ADAMTS6: variants seen among roughly 807,000 people sequenced by gnomAD.
ADAMTS6 encodes the protein A disintegrin and metalloproteinase with thrombospondin motifs 6.
ADAMTS6 carries 23 observed loss-of-function variants against 144.3 expected under a neutral mutation model. The ratio of observed to expected loss-of-function variants is 0.16; its 90% CI spans 0.11 to 0.23. ADAMTS6 has a LOEUF of 0.23. Ranked by LOEUF, ADAMTS6 falls within the 10% of genes least tolerant of loss-of-function variation. The probability of loss-of-function intolerance (pLI) is 1.00; values close to 1 mark genes in which losing one functional copy is unlikely to be tolerated. For missense variants in ADAMTS6, 999 were observed against 1,379.6 expected, an observed-to-expected ratio of 0.72 and a Z score of 4.37; for synonymous variants, 444 against 457.5, an observed-to-expected ratio of 0.97 and a Z score of 0.38.
At chr5:65,351,923 C>G (rs185315881) in intron 7 of ADAMTS6, among the ~76,000 whole-genome samples, 20 of 152,324 alleles carry the variant, frequency 1.3e-4, no homozygotes, top group Admixed American at 1.0e-3. Context: ...CATGGAAGTA[C>G]ACATAGCCAG....
intron 12 of ADAMTS6, among the ~76,000 whole-genome samples, chr5:65,265,131 T>A (rs1482110346): frequency 6.6e-6 from 1 of 152,076 alleles, no homozygotes; most frequent in Non-Finnish European, 1.5e-5. Context: ...AACATTTCCT[T>A]GGCTGTAGGG....
At chr5:65,267,128 C>G (rs199976220) in intron 12 of ADAMTS6, among the ~76,000 whole-genome samples, 1 of 76,518 alleles carries the variant, frequency 1.3e-5, no homozygotes, top group Non-Finnish European at 3.0e-5. Context: ...TGTTTTTACT[C>G]TTTCTTTTAC....
rs1314204701 is a variant in ADAMTS6, at chr5:65,441,233, C to T, written c.1073+10242G>A. On this transcript the variant is annotated intron_variant, in intron 7 of 24. Transcript: ENST00000381055. ...TATTAGACCAGACTGATGGATTACT[C>T]ATTGTAGAAAAAAGTCACCTTGAAG... is the stretch of plus-strand genomic sequence containing the variant. 2.0e-5 allele frequency among the ~76,000 whole-genome samples: 3 copies of T among 152,140 alleles called. No individual in the cohort carries two copies. The East Asian group carries it at 5.8e-4, about 29-fold the overall frequency.
rs181651960 is a variant in ADAMTS6, at chr5:65,346,882, T to C, written c.1074-12797A>G. Among the ~76,000 whole-genome samples the C allele has an allele frequency of 4.2e-4, 63 of 151,386 alleles. No homozygotes were observed. In the East Asian group the frequency reaches 0.01, roughly 25 times the overall value. On this transcript the variant is annotated intron_variant, in intron 7 of 24. Coordinates refer to ENST00000381055, the MANE Select transcript of ADAMTS6 (RefSeq NM_197941.4). ...TACAAAATCAATGTAAAAAGACTAG[T>C]AGCATTTCTATACACTAACAATGAA... is the stretch of plus-strand genomic sequence containing the variant.
chr5:65,468,256 G>A (rs1347181108), intron 3 of ADAMTS6, among the ~76,000 whole-genome samples: 1 of 152,006 alleles, frequency 6.6e-6, no homozygotes, highest in Non-Finnish European at 1.5e-5. Flanking sequence ...ATTTTATATA[G>A]AATGATTAAA....
intron 19 of ADAMTS6, 123 bp downstream of exon 19, chr5:65,215,201 T>C: frequency 3.3e-6 from 4 of 1,227,528 alleles, no homozygotes; most frequent in Non-Finnish European, 4.5e-6. Flanking sequence ...CTTGGGTAAA[T>C]CATTTTATCT....
In ADAMTS6 at chr5:65,214,832, T is replaced by C. The variant is rs1269123161; in HGVS notation, c.2537A>G (p.His846Arg). ...GDNEVGFTWNHQPWSECSATC... is the reference protein window; with the variant it reads ...GDNEVGFTWNRQPWSECSATC... ...AGCTGAGCATTCTGACCAAGGCTGA[T>C]GATTCCATGTAAAGCCAACTTCATT... Residue 846 changes from histidine to arginine, a missense_variant, in exon 20 of 25, where the codon CAT (histidine) becomes CGT (arginine). Coordinates refer to ENST00000381055, the MANE Select transcript of ADAMTS6 (RefSeq NM_197941.4). This position sits in a 1 kb window ranked among gnomAD's most constrained non-coding sequence, Gnocchi z 4.6. The C allele has an allele frequency of 3.1e-6, 5 of 1,614,160 alleles. No homozygotes were observed. The highest frequency in any genetic ancestry group is 4.2e-6 in the Non-Finnish European group (5 of 1,180,022).
chr5:65,194,767 T>C (rs193089251), intron 21 of ADAMTS6, among the ~76,000 whole-genome samples: 3 of 152,350 alleles, frequency 2.0e-5, no homozygotes, highest in Admixed American at 1.3e-4. Flanking sequence ...GTATCTTTTC[T>C]TTTGAATTCC....
At chr5:65,154,588 C>T (rs750789477) in intron 24 of ADAMTS6, among the ~76,000 whole-genome samples, 3 of 152,128 alleles carry the variant, frequency 2.0e-5, no homozygotes, top group Non-Finnish European at 2.9e-5. Context: ...TCTGGCTCTG[C>T]CTCTTCTAGG....
At chr5:65,155,308 T>A (rs1348562473) in intron 24 of ADAMTS6, among the ~76,000 whole-genome samples, 2 of 152,178 alleles carry the variant, frequency 1.3e-5, no homozygotes, top group African/African-American at 4.8e-5. Context: ...GAGAAATGCA[T>A]TGTTAGGTGA....
chr5:65,214,975 A>G lies in ADAMTS6; in HGVS notation c.2437-43T>C. On this transcript the variant is annotated intron_variant, in intron 19 of 24. Transcript: ENST00000381055. This position sits in a 1 kb window ranked among gnomAD's most constrained non-coding sequence, Gnocchi z 4.6. Reference sequence around the variant, plus strand: ...TGGTGAAGACAATTAAAATACAATGAGCCTTCATTCAGATATTTATTATTC... The same window carrying G: ...TGGTGAAGACAATTAAAATACAATGGGCCTTCATTCAGATATTTATTATTC... 6.3e-7 allele frequency: 1 copy of G among 1,585,198 alleles called. No homozygotes were observed. Among genetic ancestry groups the G allele is most frequent in the Non-Finnish European group, 8.6e-7 (1 of 1,166,360 alleles).
intron 11 of ADAMTS6, among the ~76,000 whole-genome samples, chr5:65,285,075 C>T (rs1763261237): frequency 6.6e-6 from 1 of 152,162 alleles, no homozygotes; most frequent in African/African-American, 2.4e-5. Context: ...GAGGACACCA[C>T]AGATCACTTT....
At chr5:65,361,118 A>G (rs1749790280) in intron 7 of ADAMTS6, among the ~76,000 whole-genome samples, 1 of 152,206 alleles carries the variant, frequency 6.6e-6, no homozygotes, top group South Asian at 2.1e-4. Flanking sequence ...CCAACTGAAT[A>G]TGAACCCCAT....
At position 65,429,175 on chromosome 5, in the gene ADAMTS6, G is replaced by A. The variant is rs559576152; in HGVS notation, c.1073+22300C>T. On this transcript the variant is annotated intron_variant, in intron 7 of 24. Transcript: ENST00000381055. ...CAGCTATTAGACCCTTCTTCCAGAG[G>A]GTCCTCCTTATACTCAGAGTAAAGG... Among the ~76,000 whole-genome samples the A allele has an allele frequency of 5.9e-5, 9 of 152,222 alleles. No individual in the cohort carries two copies. The South Asian group carries it at 1.9e-3, about 32-fold the overall frequency.
chr5:65,442,025 C>T (rs962512291), intron 7 of ADAMTS6, among the ~76,000 whole-genome samples: 1 of 150,710 alleles, frequency 6.6e-6, no homozygotes, highest in Non-Finnish European at 1.5e-5. Context: ...CCATAAGGAA[C>T]CACAAACAAA....
chr5:65,255,361 A>G (rs1352496629), intron 14 of ADAMTS6, among the ~76,000 whole-genome samples: 2 of 152,090 alleles, frequency 1.3e-5, no homozygotes, highest in Non-Finnish European at 2.9e-5. Context: ...GAGATTCTGC[A>G]GCGGACACTG....
chr5:65,397,545 C>T (rs62370700), intron 7 of ADAMTS6, among the ~76,000 whole-genome samples: 16,846 of 151,832 alleles, frequency 0.11, 1,070 homozygotes, highest in African/African-American at 0.15. Flanking sequence ...TTTAATTTCT[C>T]TTCAGATTTT....
intron 7 of ADAMTS6, among the ~76,000 whole-genome samples, chr5:65,355,546 T>C (rs1749238104): frequency 6.6e-6 from 1 of 151,906 alleles, no homozygotes; most frequent in Non-Finnish European, 1.5e-5. Context: ...ATCACATGCC[T>C]TCTCTAAATC....
intron 22 of ADAMTS6, among the ~76,000 whole-genome samples, chr5:65,187,477 A>G (rs1289754652): frequency 6.6e-6 from 1 of 152,218 alleles, no homozygotes; most frequent in Non-Finnish European, 1.5e-5. Flanking sequence ...TTGAAATAGA[A>G]GACATAAAAT....
Sources: gnomAD v4.1 joint callset for allele counts (sites outside exome capture counted in the v4.1 genomes callset) on GRCh38, gnomAD v4.1.1 for gene constraint, Gnocchi (gnomAD v3.1) non-coding constraint, MANE v1.5 for transcripts, NCBI Gene and HGNC (gene_info 2026-07-23, HGNC 2026-07-21) for gene names.